Variants in PARVB observed in about 807,000 individuals in gnomAD.
PARVB encodes parvin beta.
In PARVB, 46 loss-of-function variants were observed where a neutral mutation model predicts 47.0. The observed-to-expected ratio is 0.98, with a 90% confidence interval of 0.77 to 1.25. PARVB has a LOEUF of 1.25. Among genes scored for constraint, PARVB ranks in the 50% most tolerant of loss-of-function variants. The pLI, the probability that PARVB is intolerant of heterozygous loss-of-function variation, is 0.00. For synonymous variants in PARVB, 196 were observed against 196.3 expected, an observed-to-expected ratio of 1.00 and a Z score of 0.01; for missense variants, 473 against 471.6, an observed-to-expected ratio of 1.00 and a Z score of -0.03.
At chr22:44,055,850 G>C (rs1405445881) in intron 1 of PARVB, among the ~76,000 whole-genome samples, 2 of 152,110 alleles carry the variant, frequency 1.3e-5, no homozygotes, top group African/African-American at 4.8e-5. Flanking sequence ...CCTGCCTTTC[G>C]GTCTATTCAG....
At chr22:44,101,354 G>A (rs1448558894) in intron 3 of PARVB, among the ~76,000 whole-genome samples, 2 of 151,800 alleles carry the variant, frequency 1.3e-5, no homozygotes, top group African/African-American at 4.9e-5. Flanking sequence ...AGCCTGCAGT[G>A]AGCCGAGATC....
intron 1 of PARVB, among the ~76,000 whole-genome samples, chr22:44,040,529 C>T (rs1202863749): frequency 1.3e-5 from 2 of 151,962 alleles, no homozygotes; most frequent in African/African-American, 2.4e-5. Context: ...AGAGAAGTGA[C>T]CATGGAGGTG....
intron 1 of PARVB, among the ~76,000 whole-genome samples, chr22:44,040,766 A>G (rs1462941507): frequency 6.6e-6 from 1 of 152,168 alleles, no homozygotes; most frequent in African/African-American, 2.4e-5. Flanking sequence ...CTGTAATCCC[A>G]GCACTTTGGG....
In PARVB at chr22:44,168,607, G is replaced by A; in HGVS notation, c.1024G>A (p.Val342Ile). 2 of 1,610,966 alleles carry A rather than the reference G, an allele frequency of 1.2e-6. No homozygotes were observed. The highest frequency in any genetic ancestry group is 1.7e-6 in the Non-Finnish European group (2 of 1,177,236). The part of the protein sequence containing the change: ...KKPKARPEDV[V>I]NLDLKSTLRV... ...TTCTCTGTTTCCTTCTGCAGACGTG[G>A]TTAACTTGGACCTCAAATCCACCCT... The change falls in exon 13 of 13, where the codon GTT (valine) becomes ATT (isoleucine). Residue 342 changes from valine (V) to isoleucine (I), a missense_variant. Val to Ile is a conservative substitution (Grantham distance 29, BLOSUM62 3). Coordinates refer to ENST00000338758, the MANE Select transcript of PARVB (RefSeq NM_013327.5).
intron 1 of PARVB, among the ~76,000 whole-genome samples, chr22:44,050,181 A>G (rs536554218): frequency 4.7e-4 from 71 of 152,250 alleles, no homozygotes; most frequent in Non-Finnish European, 9.6e-4. Flanking sequence ...TTCTTCAGAT[A>G]TGCGGCCGTC....
chr22:44,094,731 T>G (rs1310991253), intron 2 of PARVB, among the ~76,000 whole-genome samples: 2 of 151,690 alleles, frequency 1.3e-5, no homozygotes, highest in Non-Finnish European at 2.9e-5. Flanking sequence ...GCTCAAGCAG[T>G]TCTCCTGCCT....
intron 11 of PARVB, among the ~76,000 whole-genome samples, chr22:44,160,918 G>A (rs919315314): frequency 6.6e-6 from 1 of 152,124 alleles, no homozygotes. Context: ...AGCCCCTCCT[G>A]AGCATCCACT....
intron 4 of PARVB, among the ~76,000 whole-genome samples, chr22:44,123,823 G>T (rs934902279): frequency 6.6e-6 from 1 of 152,218 alleles, no homozygotes; most frequent in Non-Finnish European, 1.5e-5. Flanking sequence ...GAGCCACTGC[G>T]CCTGGCCATA....
chr22:44,122,524 GAGAC>G lies in PARVB; in HGVS notation c.376+3388_376+3391del, dbSNP rs1569134322. Among the ~76,000 whole-genome samples the G allele has an allele frequency of 1.4e-3, 111 of 79,972 alleles. 2 individuals are homozygous for G. The highest frequency in any genetic ancestry group is 5.1e-3 in the African/African-American group (87 of 16,910). The allele number at this position is 79,972 out of a possible 152,430, so 52.5% of individuals were successfully genotyped here. ...AGAGAGAGAGAGAGAGAGAGACAGA[GAGAC>G]AGAGAGAGAGAGAGAGAGAGAGAGA... On this transcript the variant is annotated intron_variant, in intron 4 of 12. Coordinates refer to ENST00000338758, the MANE Select transcript of PARVB (RefSeq NM_013327.5).
At chr22:44,044,176 G>A (rs1266016943) in intron 1 of PARVB, among the ~76,000 whole-genome samples, 1 of 151,546 alleles carries the variant, frequency 6.6e-6, no homozygotes, top group African/African-American at 2.4e-5. Flanking sequence ...AACTGAGACA[G>A]CAGCATTTTT....
At chr22:44,084,381 T>G (rs1248505808) in intron 1 of PARVB, among the ~76,000 whole-genome samples, 1 of 152,200 alleles carries the variant, frequency 6.6e-6, no homozygotes, top group Non-Finnish European at 1.5e-5. Flanking sequence ...GATCAATGGA[T>G]GCTGGAGAAG....
intron 2 of PARVB, among the ~76,000 whole-genome samples, chr22:44,007,451 G>A (rs1162513372): frequency 2.6e-5 from 4 of 152,102 alleles, no homozygotes; most frequent in Admixed American, 6.6e-5. Context: ...TCCCAAGGTC[G>A]GGCTCTCTGT....
intron 1 of PARVB, among the ~76,000 whole-genome samples, chr22:44,084,208 A>C (rs956084862): frequency 1.3e-5 from 2 of 152,122 alleles, no homozygotes; most frequent in African/African-American, 4.8e-5. Context: ...ATTAGCTCTA[A>C]CTGGGCCATG....
At position 44,086,927 on chromosome 22, in the gene PARVB, G is replaced by T. The variant is rs113901546; in HGVS notation, c.113-7001G>T. On this transcript the variant is annotated intron_variant, in intron 1 of 12. Coordinates refer to ENST00000338758, the MANE Select transcript of PARVB (RefSeq NM_013327.5). ...TTTGGGTTCCTGCTTAAGCCCAAGC[G>T]AAGGATCCCGATGCCCCCTCCCCAG... 84 of 700,078 alleles carry T rather than the reference G, an allele frequency of 1.2e-4. No individual in the cohort carries two copies. The African/African-American group carries it at 1.4e-3, about 11-fold the overall frequency. The allele number at this position is 700,078 out of a possible 1,614,324, so 43.4% of individuals were successfully genotyped here.
At chr22:44,033,145 G>A (rs532366319) in intron 1 of PARVB, among the ~76,000 whole-genome samples, 1 of 152,322 alleles carries the variant, frequency 6.6e-6, no homozygotes, top group East Asian at 1.9e-4. Flanking sequence ...CTGGACTGCA[G>A]TGGCATGATC....
chr22:44,167,703 CCCCAAGCCCGCCGAGCCGAG>C (rs1408318938), intron 12 of PARVB, among the ~76,000 whole-genome samples: 5 of 59,200 alleles, frequency 8.4e-5, no homozygotes, highest in African/African-American at 2.6e-4. Context: ...CCGGGTGTGT[CCCCAAGCCCGCCGAGCCGAG>C]TTCCCCGACA....
chr22:44,067,485 A>T lies in PARVB; in HGVS notation c.113-26443A>T, dbSNP rs187051757. 1.3e-3 allele frequency among the ~76,000 whole-genome samples: 197 copies of T among 152,332 alleles called. 1 individual carries two copies. The highest frequency in any genetic ancestry group is 2.1e-3 in the Non-Finnish European group (142 of 68,018). On this transcript the variant is annotated intron_variant, in intron 1 of 12. Coordinates refer to ENST00000338758, the MANE Select transcript of PARVB (RefSeq NM_013327.5). ...CTTGGCCAGCTCAGTGGATACACAC[A>T]CGTCAGGAAGACCCTCCCTTGCCCC...
rs772358231 is a variant in PARVB at position 44,094,013 on chromosome 22, G to T, written c.198G>T (p.Gln66His). ...TGGATGTTCACCCTGAAGACACCCAGCTTGGTACGGGGGTTCCTCCGCTCC... is the reference window on the plus strand; with the variant it reads ...TGGATGTTCACCCTGAAGACACCCATCTTGGTACGGGGGTTCCTCCGCTCC... Reference protein sequence around the residue: ...ALVDVHPEDTQLEENEERTMI... With the variant: ...ALVDVHPEDTHLEENEERTMI... The change falls in exon 2 of 13, where the codon CAG (glutamine) becomes CAT (histidine). Residue 66 changes from glutamine to histidine, a missense_variant. Coordinates refer to ENST00000338758, the MANE Select transcript of PARVB (RefSeq NM_013327.5). 3 of 1,597,562 alleles carry T rather than the reference G, an allele frequency of 1.9e-6. No individual in the cohort carries two copies. Among genetic ancestry groups the T allele is most frequent in the African/African-American group, 1.3e-5 (1 of 74,468 alleles).
At chr22:44,130,178 G>C (rs1182669749) in intron 4 of PARVB, among the ~76,000 whole-genome samples, 1 of 152,236 alleles carries the variant, frequency 6.6e-6, no homozygotes, top group Non-Finnish European at 1.5e-5. Context: ...TCAATGCCGC[G>C]TCACTGACAG....
Sources: allele counts gnomAD v4.1 joint callset (sites outside exome capture counted in the v4.1 genomes callset), GRCh38; gene constraint gnomAD v4.1.1; transcripts MANE v1.5; gene names NCBI Gene and HGNC (gene_info 2026-07-23, HGNC 2026-07-21).